MAST1: variants seen among roughly 807,000 people sequenced by gnomAD.
The protein encoded by MAST1 is microtubule-associated serine/threonine-protein kinase 1.
Under a neutral mutation model 124.6 loss-of-function variants are expected in MAST1, and 40 were observed. The ratio of observed to expected loss-of-function variants is 0.32; its 90% CI spans 0.25 to 0.42. The LOEUF (loss-of-function observed/expected upper bound fraction) is 0.42, where lower values mean the gene tolerates loss of function less well. MAST1 is among the 10% of genes least tolerant of loss of function. The pLI is 1.00. For missense variants in MAST1, 1,558 were observed against 2,181.9 expected (o/e 0.71, Z 5.70); for synonymous variants, 938 against 939.4 (o/e 1.00, Z 0.03).
intron 12 of MAST1, among the ~76,000 whole-genome samples, chr19:12,863,390 T>A (rs563244579): frequency 6.6e-6 from 1 of 151,698 alleles, no homozygotes; most frequent in African/African-American, 2.4e-5. Flanking sequence ...CCTCAGAGAG[T>A]TTCTGAAACC....
chr19:12,861,851 C>T (rs536984420), intron 12 of MAST1, among the ~76,000 whole-genome samples: 126 of 151,306 alleles, frequency 8.3e-4, no homozygotes, highest in Admixed American at 1.7e-3. Context: ...TACAGGTGCC[C>T]GCCACCACGC....
Position 12,865,916 on chromosome 19 carries a change from A to T in MAST1, c.1907-64A>T. 6.2e-7 allele frequency: 1 copy of T among 1,609,516 alleles called. No homozygotes were observed. The highest frequency in any genetic ancestry group is 8.5e-7 in the Non-Finnish European group (1 of 1,176,924). On this transcript the variant is annotated intron_variant, in intron 16 of 25. Transcript: ENST00000251472. The surrounding 1 kb of genome is among the most constrained non-coding windows in gnomAD (Gnocchi z 7.1). ...GTGCTGTGGCCCCGGGGCGGAAGACATGGGGGGCGGGGCTGGGCTGCTGGG... is the reference window on the plus strand; with the variant it reads ...GTGCTGTGGCCCCGGGGCGGAAGACTTGGGGGGCGGGGCTGGGCTGCTGGG...
At chr19:12,852,948 CATTTT>C (rs1273193298) in intron 10 of MAST1, among the ~76,000 whole-genome samples, 2 of 151,668 alleles carry the variant, frequency 1.3e-5, no homozygotes, top group Admixed American at 6.6e-5. Flanking sequence ...CTTTTTTAAC[CATTTT>C]ATTTTATTTT....
At chr19:12,859,826 CAAA>C (rs60098806) in intron 12 of MAST1, among the ~76,000 whole-genome samples, 14 of 93,160 alleles carry the variant, frequency 1.5e-4, no homozygotes, top group African/African-American at 2.0e-4. Flanking sequence ...CCCTGTCCCG[CAAA>C]AAAAAAAAAA....
At chr19:12,873,246 T>G in intron 24 of MAST1, 78 bp from the exon 25 acceptor site, 1 of 1,441,408 alleles carries the variant, frequency 6.9e-7, no homozygotes, top group Non-Finnish European at 9.6e-7. Context: ...TGGTTACCGT[T>G]GTGAGGCCGT....
chr19:12,865,010 G>T lies in MAST1; in HGVS notation c.1506-36G>T, dbSNP rs370762521. ...CGGGAGGCCAGGAGGCAGAATGGAC[G>T]GGCCTCATCCCTGAGATCCCCACCT... On this transcript the variant is annotated intron_variant, in intron 13 of 25. Transcript: ENST00000251472. The surrounding 1 kb of genome is among the most constrained non-coding windows in gnomAD (Gnocchi z 7.1). The T allele has an allele frequency of 1.9e-6, 3 of 1,613,396 alleles. No individual in the cohort carries two copies. The highest frequency in any genetic ancestry group is 2.5e-6 in the Non-Finnish European group (3 of 1,179,554).
At chr19:12,846,150 C>T (rs1165745719) in intron 4 of MAST1, among the ~76,000 whole-genome samples, 1 of 152,122 alleles carries the variant, frequency 6.6e-6, no homozygotes, top group Non-Finnish European at 1.5e-5. Flanking sequence ...TTCCGTGAGC[C>T]ATGATTGTAC....
In MAST1 at chr19:12,874,601, T is replaced by C; in HGVS notation, c.4444T>C (p.Leu1482=). 6.6e-7 allele frequency: 1 copy of C among 1,512,292 alleles called. No individual in the cohort carries two copies. The highest frequency in any genetic ancestry group is 8.8e-7 in the Non-Finnish European group (1 of 1,131,260). The allele number at this position is 1,512,292 out of a possible 1,614,324, so 93.7% of individuals were successfully genotyped here. The change falls in exon 26 of 26, where the codon TTG becomes CTG. Residue 1482 remains leucine, a synonymous_variant. Coordinates refer to ENST00000251472, the MANE Select transcript of MAST1 (RefSeq NM_014975.3). The surrounding 1 kb of genome is among the most constrained non-coding windows in gnomAD (Gnocchi z 6.6). ...EAPRGRERWV[L]EVVEERTTLS... is the part of the protein sequence containing the mutation. ...CCCCCGGGGCCGGGAGCGCTGGGTG[T>C]TGGAGGTGGTGGAGGAGCGCACCAC...
chr19:12,868,265 C>A (rs1193226685), intron 20 of MAST1, among the ~76,000 whole-genome samples: 1 of 151,486 alleles, frequency 6.6e-6, no homozygotes, highest in Non-Finnish European at 1.5e-5. Context: ...CGCGCCACTA[C>A]CCCCGGCTAA....
intron 3 of MAST1, among the ~76,000 whole-genome samples, chr19:12,842,356 G>A: frequency 6.6e-6 from 1 of 151,880 alleles, no homozygotes; most frequent in South Asian, 2.1e-4. Context: ...GCAATGGCGG[G>A]ATCTCGGCTC....
intron 7 of MAST1, 78 bp downstream of exon 7, chr19:12,848,135 C>A: frequency 7.6e-7 from 1 of 1,314,264 alleles, no homozygotes; most frequent in Non-Finnish European, 1.1e-6. Flanking sequence ...TTCTTCACCC[C>A]ACATACATTC....
At chr19:12,867,047 T>G (rs1970163601) in intron 18 of MAST1, among the ~76,000 whole-genome samples, 1 of 152,066 alleles carries the variant, frequency 6.6e-6, no homozygotes, top group Non-Finnish European at 1.5e-5. Context: ...GACGTGGGAA[T>G]GAGGCCAGCA....
chr19:12,840,639 G>C (rs1490999388), intron 2 of MAST1, 105 bp downstream of exon 2: 2 of 825,834 alleles, frequency 2.4e-6, no homozygotes, highest in South Asian at 2.9e-5. Context: ...AGTTTGAATG[G>C]AGGCGAACCA....
intron 22 of MAST1, 62 bp downstream of exon 22, chr19:12,869,357 C>T: frequency 2.2e-6 from 3 of 1,366,564 alleles, no homozygotes; most frequent in South Asian, 1.2e-5. Context: ...AAGGCCCCTC[C>T]AGCTCAAACC....
In MAST1 at chr19:12,866,567, G is replaced by C; in HGVS notation, c.2030-86G>C. On this transcript the variant is annotated intron_variant, in intron 17 of 25. Coordinates refer to ENST00000251472, the MANE Select transcript of MAST1 (RefSeq NM_014975.3). This position sits in a 1 kb window ranked among gnomAD's most constrained non-coding sequence, Gnocchi z 5.2. ...GCCTGACCTGAAGACTTGTAAACCC[G>C]TCTTGAACCAGGACTGGGCTCCTGT... The C allele has an allele frequency of 2.3e-6, 2 of 865,732 alleles. No individual in the cohort carries two copies. The highest frequency in any genetic ancestry group is 3.8e-6 in the Non-Finnish European group (2 of 529,206). The allele number at this position is 865,732 out of a possible 1,614,324, so 53.6% of individuals were successfully genotyped here. A position where few individuals can be genotyped will look rare whatever the true frequency, so the allele number is the denominator to read the frequency against.
At chr19:12,839,117 T>A (rs1355623094) in intron 1 of MAST1, among the ~76,000 whole-genome samples, 1 of 144,862 alleles carries the variant, frequency 6.9e-6, no homozygotes. Context: ...AGCTGGATGC[T>A]GAGGGGTAGA....
chr19:12,872,216 G>C (rs755941573), intron 24 of MAST1, among the ~76,000 whole-genome samples: 1 of 152,224 alleles, frequency 6.6e-6, no homozygotes, highest in Admixed American at 6.5e-5. Flanking sequence ...CTTATAGATA[G>C]GAGGAGCTAG....
rs1455749951 is a variant in MAST1 at position 12,841,843 on chromosome 19, C to T, written c.248+777C>T. ...GGAGACTGTGAAGACAGACAGCTCC[C>T]TTGGGAAAGTGGGGGAACCGCCTAT... On this transcript the variant is annotated intron_variant, in intron 3 of 25. Coordinates refer to ENST00000251472, the MANE Select transcript of MAST1 (RefSeq NM_014975.3). This position sits in a 1 kb window ranked among gnomAD's most constrained non-coding sequence, Gnocchi z 4.3. Among the ~76,000 whole-genome samples, 1 of 152,170 alleles carries T rather than the reference C, an allele frequency of 6.6e-6. No individual in the cohort carries two copies. The highest frequency in any genetic ancestry group is 2.4e-5 in the African/African-American group (1 of 41,436).
Position 12,873,723 on chromosome 19 carries a change from G to A in MAST1, c.3566G>A (p.Arg1189His). 1 of 1,602,330 alleles carries A rather than the reference G, an allele frequency of 6.2e-7. No individual in the cohort carries two copies. The highest frequency in any genetic ancestry group is 8.5e-7 in the Non-Finnish European group (1 of 1,179,152). ...TLHGLSPKLH[R>H]QYRSARCKSA... Reference sequence around the variant, plus strand: ...CACGGACTGTCGCCAAAGCTCCATCGCCAGTACCGCTCTGCGCGATGCAAG... The same window carrying A: ...CACGGACTGTCGCCAAAGCTCCATCACCAGTACCGCTCTGCGCGATGCAAG... The change falls in exon 26 of 26, where the codon CGC becomes CAC. Residue 1189 changes from arginine to histidine, a missense_variant. By Grantham distance (29) the Arg-to-His change is conservative. Coordinates refer to ENST00000251472, the MANE Select transcript of MAST1 (RefSeq NM_014975.3).
Sources: allele counts gnomAD v4.1 joint callset (sites outside exome capture counted in the v4.1 genomes callset), GRCh38; gene constraint gnomAD v4.1.1; non-coding constraint Gnocchi (gnomAD v3.1); transcripts MANE v1.5; gene names NCBI Gene and HGNC (gene_info 2026-07-23, HGNC 2026-07-21).